Variants in GULP1 observed in about 807,000 individuals in gnomAD.
GULP1 encodes GULP PTB domain containing engulfment adaptor 1.
A neutral mutation model predicts 40.9 loss-of-function variants in GULP1; 19 were observed. The ratio of observed to expected loss-of-function variants is 0.46; its 90% CI spans 0.32 to 0.68. GULP1 has a LOEUF of 0.68. GULP1 is among the 30% of genes least tolerant of loss of function. The pLI is 0.03. For synonymous variants in GULP1, 119 were observed against 117.6 expected, an observed-to-expected ratio of 1.01 and a Z score of -0.08; for missense variants, 312 against 362.2, an observed-to-expected ratio of 0.86 and a Z score of 1.12.
At chr2:188,375,012 G>A (rs1043590434) in intron 1 of GULP1, among the ~76,000 whole-genome samples, 6 of 152,120 alleles carry the variant, frequency 3.9e-5, no homozygotes, top group African/African-American at 1.4e-4. Context: ...GAAAATGTTC[G>A]ATTGCTGAAG....
At chr2:188,405,907 T>C (rs1321644776) in intron 2 of GULP1, among the ~76,000 whole-genome samples, 1 of 152,166 alleles carries the variant, frequency 6.6e-6, no homozygotes, top group African/African-American at 2.4e-5. Flanking sequence ...AGAACAGTCA[T>C]AGAAACATGA....
At chr2:188,432,677 A>C (rs1021365703) in intron 2 of GULP1, among the ~76,000 whole-genome samples, 2 of 152,118 alleles carry the variant, frequency 1.3e-5, no homozygotes, top group Non-Finnish European at 2.9e-5. Context: ...AAAAATGTAT[A>C]TTGATGATTC....
chr2:188,303,863 C>T (rs187051132), intron 1 of GULP1, among the ~76,000 whole-genome samples: 88 of 152,246 alleles, frequency 5.8e-4, no homozygotes, highest in African/African-American at 2.0e-3. Flanking sequence ...AAGGAAGTCA[C>T]CACACTGGGG....
chr2:188,516,498 T>C (rs887233207), intron 4 of GULP1, among the ~76,000 whole-genome samples: 11 of 152,102 alleles, frequency 7.2e-5, no homozygotes, highest in African/African-American at 2.7e-4. Context: ...TAACATTGAG[T>C]CCCTTAATCT....
chr2:188,395,651 G>C (rs995744343), intron 2 of GULP1, among the ~76,000 whole-genome samples: 1 of 152,238 alleles, frequency 6.6e-6, no homozygotes, highest in African/African-American at 2.4e-5. Context: ...TGTCCCATGA[G>C]GTGTTCCCTT....
intron 1 of GULP1, among the ~76,000 whole-genome samples, chr2:188,372,308 G>A (rs1164440988): frequency 6.6e-6 from 1 of 152,050 alleles, no homozygotes; most frequent in Non-Finnish European, 1.5e-5. Flanking sequence ...AGAGCATTGG[G>A]AAGATTCCTA....
intron 2 of GULP1, among the ~76,000 whole-genome samples, chr2:188,445,066 C>A (rs897729679): frequency 6.6e-6 from 1 of 152,030 alleles, no homozygotes; most frequent in African/African-American, 2.4e-5. Flanking sequence ...CGAAAAGGTT[C>A]CTAGTTTATG....
chr2:188,368,939 G>GTGTGTATATA (rs1272494109), intron 1 of GULP1, among the ~76,000 whole-genome samples: 79 of 86,042 alleles, frequency 9.2e-4, no homozygotes, highest in African/African-American at 2.8e-3. Flanking sequence ...ATATATGTGT[G>GTGTGTATATA]TATATATATA....
At chr2:188,483,822 T>C (rs2061629150) in intron 4 of GULP1, among the ~76,000 whole-genome samples, 1 of 152,150 alleles carries the variant, frequency 6.6e-6, no homozygotes, top group Admixed American at 6.6e-5. Flanking sequence ...TAATGTTACA[T>C]TATACAACCT....
intron 9 of GULP1, among the ~76,000 whole-genome samples, chr2:188,577,111 T>G (rs1392360159): frequency 6.6e-6 from 1 of 152,068 alleles, no homozygotes; most frequent in Non-Finnish European, 1.5e-5. Flanking sequence ...ACCAGACTAT[T>G]GCCAGGAAGT....
chr2:188,376,586 C>T (rs1041456827), intron 1 of GULP1, among the ~76,000 whole-genome samples: 6 of 152,062 alleles, frequency 3.9e-5, no homozygotes, highest in African/African-American at 9.7e-5. Context: ...TTAAAAAGCA[C>T]ACCAAAAGGA....
At chr2:188,491,943 A>G (rs1229324256) in intron 4 of GULP1, among the ~76,000 whole-genome samples, 1 of 152,020 alleles carries the variant, frequency 6.6e-6, no homozygotes, top group Non-Finnish European at 1.5e-5. Flanking sequence ...GTTTCCAGAA[A>G]AGTGTGTATC....
intron 1 of GULP1, among the ~76,000 whole-genome samples, chr2:188,309,763 G>C (rs1365602640): frequency 6.6e-6 from 1 of 152,160 alleles, no homozygotes; most frequent in Non-Finnish European, 1.5e-5. Context: ...ATACGGGAGA[G>C]CCAATAATTG....
intron 2 of GULP1, among the ~76,000 whole-genome samples, chr2:188,476,754 A>G (rs570303524): frequency 1.3e-5 from 2 of 152,250 alleles, no homozygotes; most frequent in Admixed American, 6.6e-5. Flanking sequence ...TGAGTGTTGT[A>G]TCAGTAAGAT....
chr2:188,372,981 T>C (rs1559163423), intron 1 of GULP1, among the ~76,000 whole-genome samples: 1 of 152,002 alleles, frequency 6.6e-6, no homozygotes. Flanking sequence ...AAGAGAAAGA[T>C]GTCCTTAGCT....
intron 1 of GULP1, among the ~76,000 whole-genome samples, chr2:188,357,248 A>C (rs2045459303): frequency 6.6e-6 from 1 of 152,180 alleles, no homozygotes; most frequent in Admixed American, 6.5e-5. Flanking sequence ...AGCAAAGGAA[A>C]CCATCAACAA....
intron 2 of GULP1, among the ~76,000 whole-genome samples, chr2:188,433,888 A>G (rs537161855): frequency 3.3e-5 from 5 of 151,884 alleles, no homozygotes; most frequent in African/African-American, 7.2e-5. Flanking sequence ...TTACAAAACA[A>G]TTTAAAGAAG....
At chr2:188,385,127 G>A (rs972472045) in intron 2 of GULP1, among the ~76,000 whole-genome samples, 1 of 152,288 alleles carries the variant, frequency 6.6e-6, no homozygotes, top group East Asian at 1.9e-4. Flanking sequence ...CTTCCACACT[G>A]CCCTAGGAGA....
chr2:188,587,956 AT>A lies in GULP1; in HGVS notation c.843+11del. 1 of 1,343,908 alleles carries A rather than the reference AT, an allele frequency of 7.4e-7. No individual in the cohort carries two copies. Among genetic ancestry groups the A allele is most frequent in the Non-Finnish European group, 1.1e-6 (1 of 933,218 alleles). 83.2% of individuals were successfully genotyped at this position (1,343,908 alleles called of 1,614,324 possible). A position where few individuals can be genotyped will look rare whatever the true frequency, so the allele number is the denominator to read the frequency against. Reference sequence around the variant, plus strand: ...AAAATTAGATGAGATGCAGGTGACTATTTTGATAGACTGGCCCATAAATGAT... The same window carrying A: ...AAAATTAGATGAGATGCAGGTGACTATTTGATAGACTGGCCCATAAATGAT... On this transcript the variant is annotated splice_region_variant and intron_variant, in intron 11 of 11. Transcript: ENST00000409830.
Sources: allele counts gnomAD v4.1 joint callset (sites outside exome capture counted in the v4.1 genomes callset), GRCh38; gene constraint gnomAD v4.1.1; transcripts MANE v1.5; gene names NCBI Gene and HGNC (gene_info 2026-07-23, HGNC 2026-07-21).